The following PHACTR1 variants were observed in gnomAD, a reference collection of about 807,000 sequenced individuals.
PHACTR1 encodes RPEL repeat containing 1.
PHACTR1 carries 16 observed loss-of-function variants against 69.2 expected under a neutral mutation model. That is an observed-to-expected ratio of 0.23 (90% CI 0.16 to 0.35). The LOEUF (loss-of-function observed/expected upper bound fraction) is 0.35, where lower values mean the gene tolerates loss of function less well. Among genes scored for constraint, PHACTR1 ranks in the 10% least tolerant of loss-of-function variants. The pLI is 1.00. For missense variants in PHACTR1, 510 were observed against 734.7 expected (o/e 0.69, Z 3.54); for synonymous variants, 312 against 284.5 (o/e 1.10, Z -0.97).
chr6:13,009,514 C>T (rs560402960), intron 4 of PHACTR1, among the ~76,000 whole-genome samples: 3 of 152,126 alleles, frequency 2.0e-5, no homozygotes, highest in East Asian at 1.9e-4. Flanking sequence ...TATCTTTCTC[C>T]GTAAGAGTTA....
intron 10 of PHACTR1, among the ~76,000 whole-genome samples, chr6:13,248,898 C>T (rs887740602): frequency 1.3e-5 from 2 of 152,112 alleles, no homozygotes; most frequent in African/African-American, 2.4e-5. Flanking sequence ...ACATCAAAAT[C>T]GCGTGCCAAC....
chr6:12,830,672 C>T (rs890985000), intron 4 of PHACTR1, among the ~76,000 whole-genome samples: 1 of 152,064 alleles, frequency 6.6e-6, no homozygotes, highest in Non-Finnish European at 1.5e-5. Context: ...TCACTGCAAC[C>T]TCCATCTCCC....
intron 4 of PHACTR1, among the ~76,000 whole-genome samples, chr6:12,862,206 A>C (rs1279498639): frequency 6.6e-6 from 1 of 152,236 alleles, no homozygotes; most frequent in East Asian, 1.9e-4. Context: ...GCCAACCTCA[A>C]TATTCCGTAT....
chr6:13,234,293 T>G (rs1771667890), intron 10 of PHACTR1, among the ~76,000 whole-genome samples: 1 of 152,248 alleles, frequency 6.6e-6, no homozygotes, highest in African/African-American at 2.4e-5. Flanking sequence ...CTAGGTCATC[T>G]GATTACTGTG....
At chr6:12,778,533 C>T in intron 4 of PHACTR1, among the ~76,000 whole-genome samples, 1 of 152,096 alleles carries the variant, frequency 6.6e-6, no homozygotes, top group East Asian at 1.9e-4. Context: ...TTAATTCTTG[C>T]CTGTACTACT....
intron 4 of PHACTR1, among the ~76,000 whole-genome samples, chr6:12,859,698 C>A (rs1415809722): frequency 4.6e-5 from 7 of 152,164 alleles, no homozygotes; most frequent in Admixed American, 3.3e-4. Context: ...CACCAAGTAG[C>A]CTGCCTGTCC....
chr6:13,019,192 C>T (rs549204540), intron 4 of PHACTR1, among the ~76,000 whole-genome samples: 8 of 151,856 alleles, frequency 5.3e-5, no homozygotes, highest in Non-Finnish European at 7.4e-5. Flanking sequence ...GGATTACAAG[C>T]GTGAGCCGCA....
intron 10 of PHACTR1, chr6:13,267,199 C>T (rs997583001): frequency 1.3e-5 from 2 of 152,244 alleles, no homozygotes; most frequent in African/African-American, 4.8e-5. Flanking sequence ...CATCACTGTA[C>T]TCTGGTACCT....
intron 3 of PHACTR1, among the ~76,000 whole-genome samples, chr6:12,729,032 G>T (rs187449758): frequency 6.6e-6 from 1 of 152,124 alleles, no homozygotes; most frequent in African/African-American, 2.4e-5. Context: ...GAATGTATCC[G>T]TTCTTATGTT....
chr6:12,825,593 A>G (rs993311228), intron 4 of PHACTR1, among the ~76,000 whole-genome samples: 3 of 152,168 alleles, frequency 2.0e-5, no homozygotes, highest in Non-Finnish European at 4.4e-5. Flanking sequence ...TCTGGTTTTT[A>G]TGTTTGGATT....
chr6:13,189,220 A>G (rs1184003778), intron 7 of PHACTR1, among the ~76,000 whole-genome samples: 1 of 152,172 alleles, frequency 6.6e-6, no homozygotes, highest in African/African-American at 2.4e-5. Flanking sequence ...ACTCTTTGAT[A>G]TTGTTATCAT....
intron 4 of PHACTR1, among the ~76,000 whole-genome samples, chr6:12,989,598 T>G (rs909148776): frequency 6.6e-6 from 1 of 152,208 alleles, no homozygotes; most frequent in Non-Finnish European, 1.5e-5. Context: ...GTCTCAACAC[T>G]GCCTGTAGGA....
chr6:12,921,803 G>T (rs1414104014), intron 4 of PHACTR1, among the ~76,000 whole-genome samples: 1 of 27,610 alleles, frequency 3.6e-5, no homozygotes, highest in Non-Finnish European at 8.4e-5. Flanking sequence ...AAGAAGGAAG[G>T]GAGGGAGGGA....
At chr6:13,253,050 C>T (rs1195532530) in intron 10 of PHACTR1, 3 of 455,010 alleles carry the variant, frequency 6.6e-6, no homozygotes, top group Admixed American at 2.3e-5. Context: ...AGGAAAATAG[C>T]TGTGGCCCCA....
At chr6:12,824,643 A>G (rs1776589824) in intron 4 of PHACTR1, among the ~76,000 whole-genome samples, 1 of 152,232 alleles carries the variant, frequency 6.6e-6, no homozygotes, top group Admixed American at 6.5e-5. Flanking sequence ...GAGGCTAGAA[A>G]TAAAGTAGAT....
At chr6:12,973,506 C>T (rs538972510) in intron 4 of PHACTR1, among the ~76,000 whole-genome samples, 3 of 152,314 alleles carry the variant, frequency 2.0e-5, no homozygotes, top group African/African-American at 4.8e-5. Flanking sequence ...TGGGAACAAA[C>T]AGACACGTAG....
chr6:13,260,945 C>T (rs368449524), intron 10 of PHACTR1, among the ~76,000 whole-genome samples: 6 of 152,350 alleles, frequency 3.9e-5, no homozygotes, highest in African/African-American at 1.2e-4. Context: ...ATGCTTTGGA[C>T]TGAATGATCT....
chr6:13,260,116 A>T (rs1775707627), intron 10 of PHACTR1, among the ~76,000 whole-genome samples: 2 of 152,240 alleles, frequency 1.3e-5, no homozygotes, highest in South Asian at 4.1e-4. Context: ...ATTATGTGCC[A>T]GCTGCTGTAC....
chr6:13,005,857 C>T lies in PHACTR1; in HGVS notation c.251-47508C>T, dbSNP rs79291291. Among the ~76,000 whole-genome samples, 1,127 of 152,244 alleles carry T rather than the reference C, an allele frequency of 7.4e-3. 15 individuals are homozygous for T. Among genetic ancestry groups the T allele is most frequent in the African/African-American group, 0.026 (1,095 of 41,534 alleles). ...GACTACCTACAACTCCCTGCCCCAC[C>T]CCACCCCCCACAATTATGTTGCATG... is the stretch of plus-strand genomic sequence containing the variant. On this transcript the variant is annotated intron_variant, in intron 4 of 14. Transcript: ENST00000332995.
Sources: allele counts gnomAD v4.1 joint callset (sites outside exome capture counted in the v4.1 genomes callset), GRCh38; gene constraint gnomAD v4.1.1; transcripts MANE v1.5; gene names NCBI Gene and HGNC (gene_info 2026-07-23, HGNC 2026-07-21).